Variants in ARHGAP42 observed in about 807,000 individuals in gnomAD.
The protein encoded by ARHGAP42 is Rho GTPase activating protein 42.
Under a neutral mutation model 125.0 loss-of-function variants are expected in ARHGAP42, and 63 were observed. The observed-to-expected ratio is 0.50, with a 90% CI of 0.41 to 0.62. ARHGAP42 has a LOEUF of 0.62. Ranked by LOEUF, ARHGAP42 falls within the 20% of genes least tolerant of loss-of-function variation. ARHGAP42 has a pLI of 0.00. For synonymous variants in ARHGAP42, 339 were observed against 351.0 expected (o/e 0.97, Z 0.38); for missense variants, 766 against 1,024.2 (o/e 0.75, Z 3.44).
At chr11:100,941,203 C>A (rs1272280705) in intron 8 of ARHGAP42, among the ~76,000 whole-genome samples, 1 of 152,082 alleles carries the variant, frequency 6.6e-6, no homozygotes, top group Non-Finnish European at 1.5e-5. Context: ...ACCAGCAAGG[C>A]GGGCAGTGTA....
intron 3 of ARHGAP42, among the ~76,000 whole-genome samples, chr11:100,836,763 C>A: frequency 8.2e-6 from 1 of 122,458 alleles, no homozygotes; most frequent in African/African-American, 3.0e-5. Context: ...AAATGAAAGA[C>A]CTCAAAATAT....
intron 5 of ARHGAP42, among the ~76,000 whole-genome samples, chr11:100,914,006 C>A (rs558610): frequency 0.22 from 32,691 of 151,894 alleles, 5,578 homozygotes; most frequent in African/African-American, 0.48. Context: ...GCACTCTCAG[C>A]TCACTGCAAC....
chr11:100,721,846 A>T (rs191598406), intron 1 of ARHGAP42, among the ~76,000 whole-genome samples: 2 of 152,286 alleles, frequency 1.3e-5, no homozygotes, highest in Admixed American at 1.3e-4. Context: ...CCATTCACTT[A>T]TTGAAGGTCA....
At chr11:100,794,854 T>C (rs537400563) in intron 2 of ARHGAP42, among the ~76,000 whole-genome samples, 161 of 152,296 alleles carry the variant, frequency 1.1e-3, no homozygotes, top group Non-Finnish European at 2.0e-3. Flanking sequence ...AAAGATATTG[T>C]TGGTACTTGC....
At position 100,963,114 on chromosome 11, in the gene ARHGAP42, A is replaced by G. The variant is rs148479421; in HGVS notation, c.1444+647A>G. The stretch of plus-strand genomic sequence containing the variant: ...TAAGCAGGACTCTAAATACGTACAG[A>G]CGATTATGTCCCTGCACATGCTCAT... On this transcript the variant is annotated intron_variant, in intron 16 of 23. Coordinates refer to ENST00000298815, the MANE Select transcript of ARHGAP42 (RefSeq NM_152432.4). 1.6e-3 allele frequency among the ~76,000 whole-genome samples: 237 copies of G among 152,312 alleles called. 1 individual carries two copies. The highest frequency in any genetic ancestry group is 4.9e-3 in the Admixed American group (75 of 15,302).
At chr11:100,959,319 A>G (rs1201765013) in intron 12 of ARHGAP42, among the ~76,000 whole-genome samples, 1 of 152,070 alleles carries the variant, frequency 6.6e-6, no homozygotes, top group African/African-American at 2.4e-5. Context: ...GTGACTGACA[A>G]TGCATGTTTT....
At chr11:100,837,995 T>TTGGCTC (rs1185769182) in intron 3 of ARHGAP42, among the ~76,000 whole-genome samples, 1 of 102,274 alleles carries the variant, frequency 9.8e-6, no homozygotes, top group African/African-American at 3.1e-5. Context: ...TCTGTTTGTG[T>TTGGCTC]TGTTCTTAGC....
intron 1 of ARHGAP42, among the ~76,000 whole-genome samples, chr11:100,751,729 A>T (rs1037002563): frequency 4.8e-5 from 7 of 144,708 alleles, no homozygotes; most frequent in African/African-American, 1.8e-4. Context: ...CCTCACAGAC[A>T]CACTCCTATC....
intron 3 of ARHGAP42, among the ~76,000 whole-genome samples, chr11:100,815,811 C>T (rs1359375273): frequency 6.6e-6 from 1 of 152,154 alleles, no homozygotes; most frequent in Non-Finnish European, 1.5e-5. Flanking sequence ...CTATCTCCCC[C>T]TCCCCACAGC....
At chr11:100,939,107 C>T (rs546052) in intron 8 of ARHGAP42, among the ~76,000 whole-genome samples, 133,085 of 152,122 alleles carry the variant, frequency 0.87, 58,312 homozygotes, top group East Asian at 1. Context: ...GTTTATGTTA[C>T]CCACCTCGAG....
intron 2 of ARHGAP42, among the ~76,000 whole-genome samples, chr11:100,780,700 A>C (rs1162170545): frequency 6.6e-6 from 1 of 152,242 alleles, no homozygotes; most frequent in Admixed American, 6.5e-5. Flanking sequence ...CTGTGCCTGC[A>C]TTTCCTGGTT....
chr11:100,720,878 T>C (rs1465675129), intron 1 of ARHGAP42, among the ~76,000 whole-genome samples: 1 of 152,096 alleles, frequency 6.6e-6, no homozygotes, highest in Non-Finnish European at 1.5e-5. Context: ...TACTTCTCAC[T>C]GAGGTTTAAA....
chr11:100,965,030 A>T (rs185137886), intron 16 of ARHGAP42, among the ~76,000 whole-genome samples: 2 of 152,154 alleles, frequency 1.3e-5, no homozygotes, highest in African/African-American at 4.8e-5. Context: ...ACTTACAATC[A>T]TGGTGGAAGG....
intron 2 of ARHGAP42, among the ~76,000 whole-genome samples, chr11:100,788,046 G>T (rs1030447550): frequency 1.4e-4 from 21 of 152,148 alleles, no homozygotes; most frequent in Non-Finnish European, 2.9e-4. Flanking sequence ...TTCTTTTGTG[G>T]ACTGTGCATT....
chr11:100,688,112 A>G (rs1261614938), intron 1 of ARHGAP42, among the ~76,000 whole-genome samples: 1 of 151,500 alleles, frequency 6.6e-6, no homozygotes, highest in Admixed American at 6.6e-5. Context: ...GCTCCTAGGA[A>G]GATGTTGGGG....
chr11:100,822,275 C>A (rs1427328370), intron 3 of ARHGAP42, among the ~76,000 whole-genome samples: 1 of 151,908 alleles, frequency 6.6e-6, no homozygotes, highest in Non-Finnish European at 1.5e-5. Flanking sequence ...TTTAGACTAA[C>A]TTAAGAATTT....
chr11:100,712,636 TC>T (rs1304306415), intron 1 of ARHGAP42, among the ~76,000 whole-genome samples: 1 of 152,146 alleles, frequency 6.6e-6, no homozygotes, highest in Non-Finnish European at 1.5e-5. Flanking sequence ...GGTGTAATTC[TC>T]CAGAGTGCAC....
At chr11:100,879,491 T>C (rs1258643760) in intron 4 of ARHGAP42, among the ~76,000 whole-genome samples, 6 of 152,136 alleles carry the variant, frequency 3.9e-5, no homozygotes, top group Non-Finnish European at 8.8e-5. Context: ...ATTTGGTGGG[T>C]TTTGTTTGTT....
rs1230710756 is a variant in ARHGAP42, at chr11:100,707,116, A to G, written c.154+19284A>G. Among the ~76,000 whole-genome samples the G allele has an allele frequency of 2.0e-5, 3 of 152,240 alleles. No homozygotes were observed. The East Asian group carries it at 5.8e-4, about 29-fold the overall frequency. On this transcript the variant is annotated intron_variant, in intron 1 of 23. Transcript: ENST00000298815. ...TTATTGACAAATGTTTTTCAGATAT[A>G]TGAATGCACCAAATTTTGTTATCAA...
Sources: gnomAD v4.1 joint callset for allele counts (sites outside exome capture counted in the v4.1 genomes callset) on GRCh38, gnomAD v4.1.1 for gene constraint, MANE v1.5 for transcripts, NCBI Gene and HGNC (gene_info 2026-07-23, HGNC 2026-07-21) for gene names.